Variants in PKDREJ observed in about 807,000 individuals in gnomAD.
PKDREJ encodes polycystin family receptor for egg jelly.
For synonymous variants in PKDREJ, 1,031 were observed against 1,095.5 expected (o/e 0.94, Z 1.16); for missense variants, 2,507 against 2,807.2 (o/e 0.89, Z 2.42).
At position 46,256,526 on chromosome 22, in the gene PKDREJ, G is replaced by T; in HGVS notation, c.*35C>A. On this transcript the variant is annotated 3_prime_UTR_variant, in exon 1 of 1. Coordinates refer to ENST00000253255, the MANE Select transcript of PKDREJ (RefSeq NM_006071.2). This position sits in a 1 kb window ranked among gnomAD's most constrained non-coding sequence, Gnocchi z 5.3. ...AATCCCACAGACTCAGCAGTTGGGG[G>T]AACGCTTGCTTGTGACTCATGAAAC... 1 of 1,578,810 alleles carries T rather than the reference G, an allele frequency of 6.3e-7. No individual in the cohort carries two copies.
chr22:46,261,142 T>G lies in PKDREJ; in HGVS notation c.2181A>C (p.Arg727=). The G allele has an allele frequency of 6.2e-7, 1 of 1,614,148 alleles. No individual in the cohort carries two copies. The highest frequency in any genetic ancestry group is 8.5e-7 in the Non-Finnish European group (1 of 1,179,984). The change falls in exon 1 of 1, where the codon CGA becomes CGC. Residue 727 remains arginine, a synonymous_variant. Coordinates refer to ENST00000253255, the MANE Select transcript of PKDREJ (RefSeq NM_006071.2). This position sits in a 1 kb window ranked among gnomAD's most constrained non-coding sequence, Gnocchi z 7.1. The stretch of plus-strand genomic sequence containing the variant: ...GTTTTCGGAGATTGACTCTGTCATC[T>G]CGGAGAGGTAATTCAGTTTTCATGT... ...LNNMKTELPL[R]DDRVNLRKHL...
At position 46,256,888 on chromosome 22, in the gene PKDREJ, C is replaced by A; in HGVS notation, c.6435G>T (p.Arg2145Ser). 1.9e-6 allele frequency: 3 copies of A among 1,613,986 alleles called. No individual in the cohort carries two copies. The South Asian group carries it at 3.3e-5, about 18-fold the overall frequency. Reference protein sequence around the residue: ...AFQNTEFSNNRILGVLFLSSF... With the variant: ...AFQNTEFSNNSILGVLFLSSF... Reference sequence around the variant, plus strand: ...ATGAGAGGAACAGGACCCCCAGAATCCTGTTATTGGAAAATTCAGTGTTCT... The same window carrying A: ...ATGAGAGGAACAGGACCCCCAGAATACTGTTATTGGAAAATTCAGTGTTCT... The change falls in exon 1 of 1, where the codon AGG becomes AGT. Residue 2145 changes from arginine (R) to serine (S), a missense_variant. By Grantham distance (110) the Arg-to-Ser change is moderately radical. Coordinates refer to ENST00000253255, the MANE Select transcript of PKDREJ (RefSeq NM_006071.2). The surrounding 1 kb of genome is among the most constrained non-coding windows in gnomAD (Gnocchi z 5.3).
rs745995245 is a variant in PKDREJ, at chr22:46,263,239, G to A, written c.84C>T (p.Arg28=). The A allele has an allele frequency of 8.8e-4, 1,254 of 1,423,288 alleles. 5 individuals carry two copies. In the Middle Eastern group the frequency reaches 9.2e-3, roughly 10 times the overall value. The allele number at this position is 1,423,288 out of a possible 1,614,324, so 88.2% of individuals were successfully genotyped here. ...VGRLPLPPVP[R]GAQAAVSGAP... is the part of the protein sequence containing the mutation. ...CCCCGGAGACGGCGGCTTGTGCCCC[G>A]CGAGGAACCGGCGGCAGCGGGAGGC... Residue 28 remains arginine, a synonymous_variant, in exon 1 of 1, where the codon CGC becomes CGT. Transcript: ENST00000253255. This position sits in a 1 kb window ranked among gnomAD's most constrained non-coding sequence, Gnocchi z 9.4.
Position 46,261,826 on chromosome 22 carries a change from TGAA to T in PKDREJ, c.1494_1496del (p.Ser499del). Reference sequence around the variant, plus strand: ...TCCAATCAAATAGCATCTCACCACCTGAAGAAGACAAAATTGACCATTTATAGA... The same window carrying T: ...TCCAATCAAATAGCATCTCACCACCTGAAGACAAAATTGACCATTTATAGA... On this transcript the variant is annotated inframe_deletion, in exon 1 of 1. Coordinates refer to ENST00000253255, the MANE Select transcript of PKDREJ (RefSeq NM_006071.2). The surrounding 1 kb of genome is among the most constrained non-coding windows in gnomAD (Gnocchi z 7.1). The T allele has an allele frequency of 6.2e-7, 1 of 1,614,028 alleles. No homozygotes were observed.
rs4823496 is a variant in PKDREJ, at chr22:46,258,739, G to C, written c.4584C>G (p.Ile1528Met). The C allele has an allele frequency of 1.1e-3, 1,776 of 1,614,192 alleles. 2 individuals carry two copies. Among genetic ancestry groups the C allele is most frequent in the Admixed American group, 1.5e-3 (93 of 60,026 alleles). Residue 1528 changes from isoleucine (I) to methionine (M), a missense_variant, in exon 1 of 1, where the codon ATC (isoleucine) becomes ATG (methionine). By Grantham distance (10) the Ile-to-Met change is conservative. Coordinates refer to ENST00000253255, the MANE Select transcript of PKDREJ (RefSeq NM_006071.2). This position sits in a 1 kb window ranked among gnomAD's most constrained non-coding sequence, Gnocchi z 6.1. ...TTGGCCCGAGGGTCTCCGGGGTCTTGATTTGTGCTTTCCTATGCCTGTGCT... is the reference window on the plus strand; with the variant it reads ...TTGGCCCGAGGGTCTCCGGGGTCTTCATTTGTGCTTTCCTATGCCTGTGCT... ...KPKHRHRKAQ[I>M]KTPETLGPNT...
chr22:46,262,620 T>G lies in PKDREJ; in HGVS notation c.703A>C (p.Met235Leu). 6.2e-7 allele frequency: 1 copy of G among 1,612,744 alleles called. No homozygotes were observed. Among genetic ancestry groups the G allele is most frequent in the South Asian group, 1.1e-5 (1 of 91,020 alleles). Residue 235 changes from methionine to leucine, a missense_variant, in exon 1 of 1, where the codon ATG (methionine) becomes CTG (leucine). Met to Leu is a conservative substitution (Grantham distance 15). Transcript: ENST00000253255. The surrounding 1 kb of genome is among the most constrained non-coding windows in gnomAD (Gnocchi z 8.1). The part of the protein sequence containing the change: ...DQKGAPVRLS[M>L]QAEATINASV... ...GCGTTGATGGTGGCCTCCGCCTGCA[T>G]GCTCAGGCGCACGGGGGCGCCCTTC...
In PKDREJ at chr22:46,262,722, G is replaced by T. The variant is rs142598796; in HGVS notation, c.601C>A (p.His201Asn). The part of the protein sequence containing the change: ...VMLQAVNSSS[H>N]RAVESSVSCQ... ...GACACGGACGACTCGACGGCTCTGTGGCTGGACGAGTTGACGGCCTGCAAC... is the reference window on the plus strand; with the variant it reads ...GACACGGACGACTCGACGGCTCTGTTGCTGGACGAGTTGACGGCCTGCAAC... Residue 201 changes from histidine to asparagine, a missense_variant, in exon 1 of 1, where the codon CAC (histidine) becomes AAC (asparagine). Coordinates refer to ENST00000253255, the MANE Select transcript of PKDREJ (RefSeq NM_006071.2). The surrounding 1 kb of genome is among the most constrained non-coding windows in gnomAD (Gnocchi z 8.1). 5.2e-5 allele frequency: 83 copies of T among 1,610,546 alleles called. 1 individual carries two copies. In the African/African-American group the frequency reaches 1.0e-3, roughly 20 times the overall value.
rs2147777724 is a variant in PKDREJ at position 46,263,281 on chromosome 22, C to T, written c.42G>A (p.Leu14=). 1.4e-6 allele frequency: 2 copies of T among 1,467,820 alleles called. No individual in the cohort carries two copies. The highest frequency in any genetic ancestry group is 3.0e-5 in the East Asian group (1 of 33,260). The allele number at this position is 1,467,820 out of a possible 1,614,324, so 90.9% of individuals were successfully genotyped here. A position where few individuals can be genotyped will look rare whatever the true frequency, so the allele number is the denominator to read the frequency against. The part of the protein sequence containing the change: ...GPALLLLGVG[L]SLSVGRLPLP... ...GCGGGAGGCGGCCGACGCTCAGGCT[C>T]AGGCCCACGCCCAGAAGGAGGAGAG... Residue 14 remains leucine, a synonymous_variant, in exon 1 of 1, where the codon CTG becomes CTA. Coordinates refer to ENST00000253255, the MANE Select transcript of PKDREJ (RefSeq NM_006071.2). The surrounding 1 kb of genome is among the most constrained non-coding windows in gnomAD (Gnocchi z 9.4).
chr22:46,257,265 G>C lies in PKDREJ; in HGVS notation c.6058C>G (p.His2020Asp). The change falls in exon 1 of 1, where the codon CAT (histidine) becomes GAT (aspartate). Residue 2020 changes from histidine (H) to aspartate (D), a missense_variant. Physicochemically the swap from His to Asp is moderately conservative, Grantham distance 81 (BLOSUM62 -1). Coordinates refer to ENST00000253255, the MANE Select transcript of PKDREJ (RefSeq NM_006071.2). The surrounding 1 kb of genome is among the most constrained non-coding windows in gnomAD (Gnocchi z 4.7). ...CGAATTATGCCAGTGGCCAGGAAAT[G>C]TTTCCTGAGAAAGAGCACAATCAAC... is the stretch of plus-strand genomic sequence containing the variant. Reference protein sequence around the residue: ...TVLIVLFLRKHFLATGIIRFY... With the variant: ...TVLIVLFLRKDFLATGIIRFY... The C allele has an allele frequency of 6.2e-7, 1 of 1,614,062 alleles. No individual in the cohort carries two copies. The highest frequency in any genetic ancestry group is 8.5e-7 in the Non-Finnish European group (1 of 1,179,996).
Position 46,259,691 on chromosome 22 carries a change from T to C in PKDREJ, c.3632A>G (p.Asp1211Gly), listed in dbSNP as rs1349118073. 1 of 1,614,126 alleles carries C rather than the reference T, an allele frequency of 6.2e-7. No individual in the cohort carries two copies. Among genetic ancestry groups the C allele is most frequent in the Admixed American group, 1.7e-5 (1 of 60,028 alleles). Residue 1211 changes from aspartate (D) to glycine (G), a missense_variant, in exon 1 of 1, where the codon GAC (aspartate) becomes GGC (glycine). By Grantham distance (94) the Asp-to-Gly change is moderately conservative. Transcript: ENST00000253255. This position sits in a 1 kb window ranked among gnomAD's most constrained non-coding sequence, Gnocchi z 6.8. ...AFWALYRDEM[D>G]QHLRGHVIVL... ...TATCACATGCCCCCGAAGATGCTGGTCCATTTCATCCCTGTATAAAGCCCA... is the reference window on the plus strand; with the variant it reads ...TATCACATGCCCCCGAAGATGCTGGCCCATTTCATCCCTGTATAAAGCCCA...
Position 46,261,386 on chromosome 22 carries a change from T to C in PKDREJ, c.1937A>G (p.Lys646Arg), listed in dbSNP as rs1355226306. 3 of 1,613,884 alleles carry C rather than the reference T, an allele frequency of 1.9e-6. No homozygotes were observed. In the African/African-American group the frequency reaches 4.0e-5, roughly 22 times the overall value. Reference protein sequence around the residue: ...VGMLASQYGLKIYAQVYDSLG... With the variant: ...VGMLASQYGLRIYAQVYDSLG... ...AGAATCATAGACCTGGGCATATATC[T>C]TCAAGCCATATTGACTAGCCAACAT... is the stretch of plus-strand genomic sequence containing the variant. Residue 646 changes from lysine (K) to arginine (R), a missense_variant, in exon 1 of 1, where the codon AAG (lysine) becomes AGG (arginine). Lys to Arg is a conservative substitution (Grantham distance 26). Coordinates refer to ENST00000253255, the MANE Select transcript of PKDREJ (RefSeq NM_006071.2). This position sits in a 1 kb window ranked among gnomAD's most constrained non-coding sequence, Gnocchi z 7.1.
rs1413135715 is a variant in PKDREJ at position 46,259,583 on chromosome 22, C to T, written c.3740G>A (p.Arg1247Lys). 6.2e-7 allele frequency: 1 copy of T among 1,614,196 alleles called. No individual in the cohort carries two copies. The highest frequency in any genetic ancestry group is 1.7e-5 in the Admixed American group (1 of 60,030). The change falls in exon 1 of 1, where the codon AGG becomes AAG. Residue 1247 changes from arginine (R) to lysine (K), a missense_variant. Transcript: ENST00000253255. The surrounding 1 kb of genome is among the most constrained non-coding windows in gnomAD (Gnocchi z 6.8). The stretch of plus-strand genomic sequence containing the variant: ...TCTAAGTTGCACAAAGACATTGGCC[C>T]TGGTCCCAGACCCCCAACGACTTCC... ...FTGSRWGSGT[R>K]ANVFVQLRGT... is the part of the protein sequence containing the mutation.
rs1936698442 is a variant in PKDREJ, at chr22:46,261,711, A to C, written c.1612T>G (p.Ser538Ala). Residue 538 changes from serine (S) to alanine (A), a missense_variant, in exon 1 of 1, where the codon TCT becomes GCT. Ser to Ala is a moderately conservative substitution (Grantham distance 99). Coordinates refer to ENST00000253255, the MANE Select transcript of PKDREJ (RefSeq NM_006071.2). The surrounding 1 kb of genome is among the most constrained non-coding windows in gnomAD (Gnocchi z 7.1). ...RHFLEAEFSI[S>A]LYLACWSGVT... Reference sequence around the variant, plus strand: ...CCACTCCAACATGCTAGATACAGAGAAATCGAAAACTCAGCTTCCAAAAAA... The same window carrying C: ...CCACTCCAACATGCTAGATACAGAGCAATCGAAAACTCAGCTTCCAAAAAA... The C allele has an allele frequency of 6.2e-7, 1 of 1,614,064 alleles. No individual in the cohort carries two copies. The highest frequency in any genetic ancestry group is 8.5e-7 in the Non-Finnish European group (1 of 1,180,002).
chr22:46,263,289 C>A lies in PKDREJ; in HGVS notation c.34G>T (p.Val12Leu), dbSNP rs113101219. 140,668 of 1,462,876 alleles carry A rather than the reference C, an allele frequency of 0.096. 7,174 individuals carry two copies. The highest frequency in any genetic ancestry group is 0.1 in the Non-Finnish European group (115,645 of 1,115,540). The allele number at this position is 1,462,876 out of a possible 1,614,324, so 90.6% of individuals were successfully genotyped here. A position where few individuals can be genotyped will look rare whatever the true frequency, so the allele number is the denominator to read the frequency against. ...CGGCCGACGCTCAGGCTCAGGCCCA[C>A]GCCCAGAAGGAGGAGAGCGGGCCCA... Reference protein sequence around the residue: ...RPGPALLLLGVGLSLSVGRLP... With the variant: ...RPGPALLLLGLGLSLSVGRLP... The change falls in exon 1 of 1, where the codon GTG becomes TTG. Residue 12 changes from valine (V) to leucine (L), a missense_variant. Transcript: ENST00000253255. The surrounding 1 kb of genome is among the most constrained non-coding windows in gnomAD (Gnocchi z 9.4).
chr22:46,256,781 G>T lies in PKDREJ; in HGVS notation c.6542C>A (p.Pro2181His). 6.2e-7 allele frequency: 1 copy of T among 1,613,950 alleles called. No homozygotes were observed. The highest frequency in any genetic ancestry group is 8.5e-7 in the Non-Finnish European group (1 of 1,180,026). ...TTCATCCGATGGCTCCTCATACACGGGCTGCTTCATTTCCTCATATGCAGA... is the reference window on the plus strand; with the variant it reads ...TTCATCCGATGGCTCCTCATACACGTGCTGCTTCATTTCCTCATATGCAGA... The part of the protein sequence containing the change: ...ILSAYEEMKQ[P>H]VYEEPSDEVE... Residue 2181 changes from proline (P) to histidine (H), a missense_variant, in exon 1 of 1, where the codon CCC becomes CAC. Physicochemically the swap from Pro to His is moderately conservative, Grantham distance 77 (BLOSUM62 -2). Coordinates refer to ENST00000253255, the MANE Select transcript of PKDREJ (RefSeq NM_006071.2). This position sits in a 1 kb window ranked among gnomAD's most constrained non-coding sequence, Gnocchi z 5.3.
In PKDREJ at chr22:46,263,046, A is replaced by C; in HGVS notation, c.277T>G (p.Leu93Val). ...CGTTGGGCGCTGAGCAGGACGCGCA[A>C]GTCGAGGCAGTACCAGCGCCGCCCG... Reference protein sequence around the residue: ...GTGRRWYCLDLRVLLSAQRLP... With the variant: ...GTGRRWYCLDVRVLLSAQRLP... Residue 93 changes from leucine (L) to valine (V), a missense_variant, in exon 1 of 1, where the codon TTG (leucine) becomes GTG (valine). Leu to Val is a conservative substitution (Grantham distance 32). Coordinates refer to ENST00000253255, the MANE Select transcript of PKDREJ (RefSeq NM_006071.2). This position sits in a 1 kb window ranked among gnomAD's most constrained non-coding sequence, Gnocchi z 9.4. 2 of 1,332,472 alleles carry C rather than the reference A, an allele frequency of 1.5e-6. No homozygotes were observed. The highest frequency in any genetic ancestry group is 1.9e-6 in the Non-Finnish European group (2 of 1,030,588). 82.5% of individuals were successfully genotyped at this position (1,332,472 alleles called of 1,614,324 possible).
At position 46,260,665 on chromosome 22, in the gene PKDREJ, A is replaced by AT; in HGVS notation, c.2657dup (p.Tyr886Ter). 1 of 1,614,118 alleles carries AT rather than the reference A, an allele frequency of 6.2e-7. No individual in the cohort carries two copies. The highest frequency in any genetic ancestry group is 1.1e-5 in the South Asian group (1 of 91,090). Reference sequence around the variant, plus strand: ...GAACACTGCTCACATTGAGTGTTGGATAAAAACAATTTCTGCAGTGTTTCT... The same window carrying AT: ...GAACACTGCTCACATTGAGTGTTGGATTAAAAACAATTTCTGCAGTGTTTCT... ...RNEKHCRNCFYPTLNVSSVPG... is the reference protein window; with the variant it reads ...RNEKHCRNCF The change falls in exon 1 of 1, where the codon TAT (tyrosine) becomes TAAT (stop). Residue 886 changes from tyrosine (Y) to a stop codon, truncating the protein, a stop_gained and frameshift_variant. Transcript: ENST00000253255. LOFTEE classifies it low-confidence loss of function (END_TRUNC). This position sits in a 1 kb window ranked among gnomAD's most constrained non-coding sequence, Gnocchi z 4.5.
At position 46,261,171 on chromosome 22, in the gene PKDREJ, T is replaced by C. The variant is rs1041511188; in HGVS notation, c.2152A>G (p.Asn718Asp). The C allele has an allele frequency of 3.1e-6, 5 of 1,614,066 alleles. No homozygotes were observed. In the African/African-American group the frequency reaches 6.7e-5, roughly 22 times the overall value. ...YLLYIVASVLNNMKTELPLRD... is the reference protein window; with the variant it reads ...YLLYIVASVLDNMKTELPLRD... ...AGAGGTAATTCAGTTTTCATGTTAT[T>C]CAAAACGGAAGCTACTATATACAGT... The change falls in exon 1 of 1, where the codon AAT (asparagine) becomes GAT (aspartate). Residue 718 changes from asparagine to aspartate, a missense_variant. Asn to Asp is a conservative substitution (Grantham distance 23). Transcript: ENST00000253255. This position sits in a 1 kb window ranked among gnomAD's most constrained non-coding sequence, Gnocchi z 7.1.
rs775649766 is a variant in PKDREJ, at chr22:46,260,751, T to C, written c.2572A>G (p.Asn858Asp). 3 of 1,614,116 alleles carry C rather than the reference T, an allele frequency of 1.9e-6. No homozygotes were observed. The highest frequency in any genetic ancestry group is 2.2e-5 in the East Asian group (1 of 44,892). Residue 858 changes from asparagine to aspartate, a missense_variant, in exon 1 of 1, where the codon AAT becomes GAT. Coordinates refer to ENST00000253255, the MANE Select transcript of PKDREJ (RefSeq NM_006071.2). This position sits in a 1 kb window ranked among gnomAD's most constrained non-coding sequence, Gnocchi z 4.5. The stretch of plus-strand genomic sequence containing the variant: ...ACTTTCTTGACATACATGTTGAAAT[T>C]GGGGGTTCTCATTGAGGTGGTTTTG... ...GNKTTSMRTPNFNMYVKKVEK... is the reference protein window; with the variant it reads ...GNKTTSMRTPDFNMYVKKVEK...
Sources: gnomAD v4.1 joint callset for allele counts on GRCh38, gnomAD v4.1.1 for gene constraint, Gnocchi (gnomAD v3.1) non-coding constraint, MANE v1.5 for transcripts, NCBI Gene and HGNC (gene_info 2026-07-23, HGNC 2026-07-21) for gene names.